The following ZNF814 variants were observed in gnomAD, a reference collection of about 807,000 sequenced individuals.
ZNF814 encodes the protein zinc finger protein 814.
In ZNF814, 5 loss-of-function variants were observed where a neutral mutation model predicts 7.5. The ratio of observed to expected loss-of-function variants is 0.67; its 90% CI spans 0.35 to 1.40. The LOEUF is 1.40. Ranked by LOEUF, ZNF814 falls within the 40% of genes most tolerant of loss-of-function variation. The pLI is 0.04. For missense variants in ZNF814, 962 were observed against 1,018.0 expected, an observed-to-expected ratio of 0.94 and a Z score of 0.75; for synonymous variants, 315 against 340.7, an observed-to-expected ratio of 0.92 and a Z score of 0.83.
At chr19:57,891,579 T>C (rs2071735112), upstream of ZNF814, among the ~76,000 whole-genome samples, 1 of 146,136 alleles carries the variant, frequency 6.8e-6, no homozygotes, top group Non-Finnish European at 1.5e-5. Flanking sequence ...ATGCCAGGCA[T>C]GGTGGCTCAC....
rs2071593179 is a variant in ZNF814 at position 57,874,879 on chromosome 19, CAG to C, written c.509_510del (p.Ser170CysfsTer4). On this transcript the variant is annotated frameshift_variant, in exon 3 of 3. Coordinates refer to ENST00000435989, the MANE Select transcript of ZNF814 (RefSeq NM_001144989.2). LOFTEE classifies it low-confidence loss of function (END_TRUNC). ...AAGTCCTTCCCACTCTCACTGAAGA[CAG>C]ATGACTCCCCTGACACATGCAACTT... ...RCKLHVSGESSVFSESGKDFL... is the reference protein window; with the variant it reads ...RCKLHVSGESXVFSESGKDFL... The C allele has an allele frequency of 6.2e-7, 1 of 1,614,022 alleles. No homozygotes were observed. Among genetic ancestry groups the C allele is most frequent in the Non-Finnish European group, 8.5e-7 (1 of 1,179,980 alleles).
intron 1 of ZNF814, among the ~76,000 whole-genome samples, chr19:57,883,463 C>T (rs1337281714): frequency 2.0e-5 from 3 of 151,720 alleles, no homozygotes; most frequent in Admixed American, 6.6e-5. Context: ...GAGATCGAGA[C>T]TATTCTGGCC....
In ZNF814 at chr19:57,873,975, G is replaced by T. The variant is rs756066733; in HGVS notation, c.1415C>A (p.Ser472Tyr). The T allele has an allele frequency of 1.9e-5, 31 of 1,614,050 alleles. No individual in the cohort carries two copies. In the South Asian group the frequency reaches 2.7e-4, roughly 14 times the overall value. ...RPFKCGECVK[S>Y]FSHKRSLVHH... Reference sequence around the variant, plus strand: ...AACAAGGCTGCGCTTATGACTGAAAGATTTCACACATTCTCCACACTTGAA... The same window carrying T: ...AACAAGGCTGCGCTTATGACTGAAATATTTCACACATTCTCCACACTTGAA... Residue 472 changes from serine (S) to tyrosine (Y), a missense_variant, in exon 3 of 3, where the codon TCT (serine) becomes TAT (tyrosine). Around this residue, in one of 7 missense-constraint regions of ZNF814, gnomAD observed 665 missense variants for 551.4 expected, o/e 1.21. Coordinates refer to ENST00000435989, the MANE Select transcript of ZNF814 (RefSeq NM_001144989.2).
intron 1 of ZNF814, among the ~76,000 whole-genome samples, chr19:57,878,605 T>C (rs1038596965): frequency 6.6e-6 from 1 of 151,928 alleles, no homozygotes; most frequent in African/African-American, 2.4e-5. Context: ...ATTACAGGCA[T>C]GTACCACCAT....
the ZNF814 span, among the ~76,000 whole-genome samples, chr19:57,898,954 A>AG: frequency 1.5e-4 from 23 of 151,624 alleles, no homozygotes; most frequent in South Asian, 4.6e-3. Flanking sequence ...AAAAAAAAAA[A>AG]AAAGAAAAGA....
intron 1 of ZNF814, among the ~76,000 whole-genome samples, chr19:57,883,642 CAG>C (rs1568521028): frequency 1.5e-5 from 2 of 133,698 alleles, no homozygotes; most frequent in East Asian, 2.2e-4. Flanking sequence ...GCCTGGGTGA[CAG>C]AGAGAGACCC....
In ZNF814 at chr19:57,869,936, CTG is replaced by C. The variant is rs1378529388; in HGVS notation, c.*2884_*2885del. On this transcript the variant is annotated 3_prime_UTR_variant, in exon 3 of 3. Coordinates refer to ENST00000435989, the MANE Select transcript of ZNF814 (RefSeq NM_001144989.2). ...CTCCAGCCTGGCTGACAGTGAGACT[CTG>C]TCTCAAAAAAAAAAAAAAAAGGTTG... 1 of 57,906 alleles carries C rather than the reference CTG, an allele frequency of 1.7e-5. No homozygotes were observed. The highest frequency in any genetic ancestry group is 1.2e-4 in the African/African-American group (1 of 8,054). 3.6% of individuals were successfully genotyped at this position (57,906 alleles called of 1,614,324 possible).
At chr19:57,887,982 T>C (rs2071707041) in intron 1 of ZNF814, among the ~76,000 whole-genome samples, 1 of 152,214 alleles carries the variant, frequency 6.6e-6, no homozygotes, top group South Asian at 2.1e-4. Context: ...GAAGAGTTGT[T>C]GCATTTAAGC....
In ZNF814 at chr19:57,888,834, G is replaced by C; in HGVS notation, c.-32C>G. The C allele has an allele frequency of 6.4e-7, 1 of 1,551,548 alleles. No individual in the cohort carries two copies. Among genetic ancestry groups the C allele is most frequent in the Non-Finnish European group, 8.7e-7 (1 of 1,146,944 alleles). Reference sequence around the variant, plus strand: ...ACGTGGTTTTAAGCAGAGTCGGGAGGATAGGGCGACCAGCCAGGAGATATG... The same window carrying C: ...ACGTGGTTTTAAGCAGAGTCGGGAGCATAGGGCGACCAGCCAGGAGATATG... On this transcript the variant is annotated 5_prime_UTR_variant, in exon 1 of 3. It adds an upstream start codon to the 5' untranslated region. Transcript: ENST00000435989.
intron 2 of ZNF814, among the ~76,000 whole-genome samples, chr19:57,876,072 C>T (rs2071605287): frequency 6.6e-6 from 1 of 150,864 alleles, no homozygotes; most frequent in Non-Finnish European, 1.5e-5. Flanking sequence ...CAATTCTCTG[C>T]CTCAGCCTCC....
chr19:57,899,717 TAC>T, the ZNF814 span, among the ~76,000 whole-genome samples: 11 of 152,198 alleles, frequency 7.2e-5, no homozygotes, highest in Admixed American at 7.2e-4. Flanking sequence ...ATGCAGCCAT[TAC>T]AGTTTTTAGT....
chr19:57,876,788 G>C (rs2122436964), intron 2 of ZNF814, 128 bp downstream of exon 2: 1 of 1,497,216 alleles, frequency 6.7e-7, no homozygotes, highest in Non-Finnish European at 9.0e-7. Context: ...TACCAACCAA[G>C]AACCTACCCA....
At chr19:57,900,839 A>ATTTTTTTTTTTTTTTTTTTTTTTT in the ZNF814 span, among the ~76,000 whole-genome samples, 78 of 45,772 alleles carry the variant, frequency 1.7e-3, 23 homozygotes, top group Non-Finnish European at 2.5e-3. Context: ...CCATGGCTGC[A>ATTTTTTTTTTTTTTTTTTTTTTTT]TTTTTTTTTT....
At chr19:57,878,263 A>T (rs1333261183) in intron 1 of ZNF814, among the ~76,000 whole-genome samples, 1 of 151,876 alleles carries the variant, frequency 6.6e-6, no homozygotes, top group Non-Finnish European at 1.5e-5. Flanking sequence ...ATTGTGGATA[A>T]GAGAGAGCAA....
At chr19:57,889,736 C>T (rs2071723596), upstream of ZNF814, among the ~76,000 whole-genome samples, 1 of 152,074 alleles carries the variant, frequency 6.6e-6, no homozygotes, top group African/African-American at 2.4e-5. Flanking sequence ...TGGTGACATG[C>T]GCCTGTAATC....
At chr19:57,896,983 G>A in the ZNF814 span, among the ~76,000 whole-genome samples, 1 of 150,422 alleles carries the variant, frequency 6.6e-6, no homozygotes, top group African/African-American at 2.5e-5. This position sits in a 1 kb window ranked among gnomAD's most constrained non-coding sequence, Gnocchi z 4.2. Context: ...GGAGAATGTT[G>A]CCATTGTTCA....
At chr19:57,875,295 G>C in intron 2 of ZNF814, 69 bp from the exon 3 acceptor site, 1 of 1,599,540 alleles carries the variant, frequency 6.3e-7, no homozygotes, top group Non-Finnish European at 8.5e-7. Flanking sequence ...ACCCACAAGT[G>C]TATCTGAAAA....
At chr19:57,904,273 A>C in the ZNF814 span, among the ~76,000 whole-genome samples, 2 of 151,966 alleles carry the variant, frequency 1.3e-5, no homozygotes, top group Admixed American at 1.3e-4. Flanking sequence ...CCACATCCGC[A>C]CGTCCTCTCC....
chr19:57,871,335 G>T lies in ZNF814; in HGVS notation c.*1487C>A, dbSNP rs887527127. The T allele has an allele frequency of 6.6e-6, 1 of 152,190 alleles. No homozygotes were observed. The highest frequency in any genetic ancestry group is 2.1e-4 in the South Asian group (1 of 4,832). 9.4% of individuals were successfully genotyped at this position (152,190 alleles called of 1,614,324 possible). A position where few individuals can be genotyped will look rare whatever the true frequency, so the allele number is the denominator to read the frequency against. On this transcript the variant is annotated 3_prime_UTR_variant, in exon 3 of 3. Coordinates refer to ENST00000435989, the MANE Select transcript of ZNF814 (RefSeq NM_001144989.2). ...AGATAAAGACCACAAAGCCCTGAAG[G>T]TCTTCTCTGGAGGCCTCTGGCAGCT...
Sources: gnomAD v4.1 joint callset for allele counts (sites outside exome capture counted in the v4.1 genomes callset) on GRCh38, gnomAD v4.1.1 for gene constraint, gnomAD v4.1.1 regional missense constraint, Gnocchi (gnomAD v3.1) non-coding constraint, MANE v1.5 for transcripts, NCBI Gene and HGNC (gene_info 2026-07-23, HGNC 2026-07-21) for gene names.